Variants in FRMD6 observed in about 807,000 individuals in gnomAD.
FRMD6 encodes FERM domain containing 6.
In FRMD6, 37 loss-of-function variants were observed where a neutral mutation model predicts 73.2. The ratio of observed to expected loss-of-function variants is 0.51; its 90% CI spans 0.39 to 0.66. The LOEUF is 0.66. FRMD6 is among the 30% of genes least tolerant of loss of function. FRMD6 has a pLI of 0.00. For missense variants in FRMD6, 714 were observed against 780.5 expected (o/e 0.91, Z 1.02); for synonymous variants, 273 against 282.2 (o/e 0.97, Z 0.33).
chr14:51,515,065 G>C (rs1315658074), intron 1 of FRMD6, among the ~76,000 whole-genome samples: 5 of 152,114 alleles, frequency 3.3e-5, no homozygotes, highest in African/African-American at 1.2e-4. Context: ...CTAGAAACTT[G>C]TTATGCCTCT....
At position 51,498,428 on chromosome 14, in the gene FRMD6, A is replaced by T. The variant is rs113532056; in HGVS notation, c.-210+9008A>T. On this transcript the variant is annotated intron_variant, in intron 1 of 14. Transcript: ENST00000356218. Reference sequence around the variant, plus strand: ...ACTCCACTCACCAATTTTTGTTTTCATTGCAGAGTAACAAGTGATTCCGAC... The same window carrying T: ...ACTCCACTCACCAATTTTTGTTTTCTTTGCAGAGTAACAAGTGATTCCGAC... Among the ~76,000 whole-genome samples, 369 of 112,114 alleles carry T rather than the reference A, an allele frequency of 3.3e-3. 1 individual carries two copies. The highest frequency in any genetic ancestry group is 4.6e-3 in the Non-Finnish European group (253 of 54,582). 73.6% of individuals were successfully genotyped at this position (112,114 alleles called of 152,430 possible).
chr14:51,485,800 G>A (rs17123992), upstream of FRMD6, among the ~76,000 whole-genome samples: 3,961 of 152,222 alleles, frequency 0.026, 66 homozygotes, highest in Non-Finnish European at 0.042. Context: ...TTATATGGCT[G>A]TATTTTTCTA....
chr14:51,688,753 C>T (rs1430568633), intron 1 of FRMD6, among the ~76,000 whole-genome samples: 2 of 152,012 alleles, frequency 1.3e-5, no homozygotes. Flanking sequence ...CTAGACACAC[C>T]CATTAAAAGT....
the FRMD6 span, among the ~76,000 whole-genome samples, chr14:51,424,867 T>A: frequency 6.6e-6 from 1 of 152,214 alleles, no homozygotes; most frequent in South Asian, 2.1e-4. Context: ...TCTGAGCCAT[T>A]AATTTAGTTG....
chr14:51,620,193 C>A (rs1890874315), intron 2 of FRMD6, among the ~76,000 whole-genome samples: 1 of 152,132 alleles, frequency 6.6e-6, no homozygotes, highest in South Asian at 2.1e-4. Context: ...TGGAGGCCAT[C>A]CAAACCTGAT....
chr14:51,519,992 A>C (rs1231336883), intron 1 of FRMD6, among the ~76,000 whole-genome samples: 1 of 152,226 alleles, frequency 6.6e-6, no homozygotes, highest in Non-Finnish European at 1.5e-5. Flanking sequence ...ATGGTATTTC[A>C]AAAACTGCTC....
At chr14:51,646,001 T>G (rs1028066151) in intron 2 of FRMD6, among the ~76,000 whole-genome samples, 1 of 152,036 alleles carries the variant, frequency 6.6e-6, no homozygotes, top group Non-Finnish European at 1.5e-5. Context: ...TCAGTATGTC[T>G]TAGGCACACA....
intron 1 of FRMD6, among the ~76,000 whole-genome samples, chr14:51,564,255 A>G (rs1887653621): frequency 6.6e-6 from 1 of 152,206 alleles, no homozygotes; most frequent in East Asian, 1.9e-4. Context: ...GAGTCTTCTC[A>G]TTAGGACCAG....
chr14:51,397,876 G>A, the FRMD6 span, among the ~76,000 whole-genome samples: 29 of 152,226 alleles, frequency 1.9e-4, no homozygotes, highest in South Asian at 5.6e-3. Flanking sequence ...TTTTTGTTCA[G>A]ACTTAGGTCC....
At chr14:51,674,898 G>A (rs1894278475) in intron 1 of FRMD6, among the ~76,000 whole-genome samples, 1 of 152,088 alleles carries the variant, frequency 6.6e-6, no homozygotes, top group Admixed American at 6.6e-5. Context: ...CCTGGATTTT[G>A]TTGACTTCAC....
At chr14:51,481,915 A>G in the FRMD6 span, among the ~76,000 whole-genome samples, 1 of 152,154 alleles carries the variant, frequency 6.6e-6, no homozygotes, top group South Asian at 2.1e-4. Context: ...AACTAGCCCT[A>G]ATTTGTATTA....
At chr14:51,654,362 T>A (rs973216766) in intron 1 of FRMD6, among the ~76,000 whole-genome samples, 1 of 151,982 alleles carries the variant, frequency 6.6e-6, no homozygotes, top group Non-Finnish European at 1.5e-5. Context: ...ACTATACTTA[T>A]AAAGCTTTTG....
intron 9 of FRMD6, 145 bp from the exon 10 acceptor site, chr14:51,715,180 A>G: frequency 1.6e-6 from 1 of 635,836 alleles, no homozygotes. Context: ...GAAAGGAAAA[A>G]CAATAATTTA....
At chr14:51,713,789 C>G (rs902100609) in intron 9 of FRMD6, 3 of 152,160 alleles carry the variant, frequency 2.0e-5, no homozygotes, top group African/African-American at 7.2e-5. Context: ...CTAACTGGCT[C>G]TTTTTTGTTT....
intron 1 of FRMD6, among the ~76,000 whole-genome samples, chr14:51,567,802 C>A (rs991903429): frequency 6.6e-6 from 1 of 152,176 alleles, no homozygotes; most frequent in Non-Finnish European, 1.5e-5. Flanking sequence ...TTCATATGTA[C>A]AGATTTTGTA....
intron 2 of FRMD6, among the ~76,000 whole-genome samples, chr14:51,605,182 C>T (rs1461758222): frequency 8.2e-6 from 1 of 122,052 alleles, no homozygotes; most frequent in African/African-American, 3.0e-5. Flanking sequence ...GGGTGTTTCT[C>T]ACAGAGGGGG....
chr14:51,640,142 G>A (rs747832139), intron 2 of FRMD6, among the ~76,000 whole-genome samples: 1 of 152,074 alleles, frequency 6.6e-6, no homozygotes, highest in Non-Finnish European at 1.5e-5. Context: ...TTAAAAACAG[G>A]CAGTCCTTCC....
the FRMD6 span, among the ~76,000 whole-genome samples, chr14:51,469,384 CG>C: frequency 2.0e-5 from 3 of 150,006 alleles, no homozygotes. Flanking sequence ...GAGGCCGAGG[CG>C]GGCGGATCAC....
chr14:51,594,451 C>T (rs1445127243), intron 2 of FRMD6, among the ~76,000 whole-genome samples: 1 of 152,100 alleles, frequency 6.6e-6, no homozygotes, highest in Non-Finnish European at 1.5e-5. Context: ...GCCTCAGCCT[C>T]CCCAGTAGCT....
Sources: allele counts gnomAD v4.1 joint callset (sites outside exome capture counted in the v4.1 genomes callset), GRCh38; gene constraint gnomAD v4.1.1; transcripts MANE v1.5; gene names NCBI Gene and HGNC (gene_info 2026-07-23, HGNC 2026-07-21).